GAB4: variants seen among roughly 807,000 people sequenced by gnomAD.
GAB4 encodes GRB2-associated-binding protein 4.
In GAB4, 26 loss-of-function variants were observed where a neutral mutation model predicts 51.3. The ratio of observed to expected loss-of-function variants is 0.51; its 90% CI spans 0.37 to 0.70. The LOEUF (loss-of-function observed/expected upper bound fraction) is 0.70, where lower values mean the gene tolerates loss of function less well. Ranked by LOEUF, GAB4 falls within the 30% of genes least tolerant of loss-of-function variation. GAB4 has a pLI of 0.00. For synonymous variants in GAB4, 329 were observed against 291.2 expected (o/e 1.13, Z -1.32); for missense variants, 759 against 734.6 (o/e 1.03, Z -0.38).
At chr22:16,986,088 C>T (rs2060864794) in intron 3 of GAB4, among the ~76,000 whole-genome samples, 1 of 152,226 alleles carries the variant, frequency 6.6e-6, no homozygotes, top group Non-Finnish European at 1.5e-5. Flanking sequence ...ACTGCTCATG[C>T]AGGCAGACAT....
intron 3 of GAB4, among the ~76,000 whole-genome samples, chr22:16,976,689 A>G (rs939594770): frequency 2.0e-5 from 3 of 152,200 alleles, no homozygotes; most frequent in African/African-American, 4.8e-5. Context: ...ATACTCCTTG[A>G]GAAGAGCAAA....
intron 2 of GAB4, among the ~76,000 whole-genome samples, chr22:16,990,101 C>T (rs573362288): frequency 4.6e-5 from 7 of 152,344 alleles, no homozygotes; most frequent in African/African-American, 1.4e-4. Flanking sequence ...TTCACTCTTT[C>T]TCACCAACCA....
At chr22:16,979,380 C>G (rs1180838129) in intron 3 of GAB4, among the ~76,000 whole-genome samples, 1 of 150,752 alleles carries the variant, frequency 6.6e-6, no homozygotes, top group East Asian at 1.9e-4. Context: ...TTCCTATAAA[C>G]CAGTAATAGC....
intron 1 of GAB4, among the ~76,000 whole-genome samples, chr22:16,997,214 G>A (rs1325209690): frequency 1.3e-5 from 2 of 152,242 alleles, no homozygotes; most frequent in Admixed American, 6.5e-5. Flanking sequence ...TTGAGGAGTC[G>A]CCACACTGTC....
At chr22:16,995,521 C>T (rs2060943759) in intron 1 of GAB4, among the ~76,000 whole-genome samples, 1 of 152,222 alleles carries the variant, frequency 6.6e-6, no homozygotes, top group Non-Finnish European at 1.5e-5. Context: ...GACTAGGAGA[C>T]ATCTCCCAGC....
At chr22:16,980,801 T>C (rs190058468) in intron 3 of GAB4, among the ~76,000 whole-genome samples, 52 of 152,252 alleles carry the variant, frequency 3.4e-4, no homozygotes, top group African/African-American at 1.3e-3. Flanking sequence ...ATGTGGCACA[T>C]ATGCACCGTG....
intron 3 of GAB4, among the ~76,000 whole-genome samples, chr22:16,986,548 A>C (rs183083961): frequency 3.7e-4 from 57 of 152,296 alleles, no homozygotes; most frequent in Non-Finnish European, 6.0e-4. Flanking sequence ...AAGGAAGTTG[A>C]AGGTCAAAGA....
chr22:16,970,032 A>C lies in GAB4; in HGVS notation c.848T>G (p.Phe283Cys). ...GGGGATTCTGTGGGTGCTGCCTCTG[A>C]ATTCTGCATTGTGCTGGCTGGGCTT... ...LSKPSQHNAE[F>C]RGSTHRIPWS... Residue 283 changes from phenylalanine (F) to cysteine (C), a missense_variant, in exon 4 of 10, where the codon TTC becomes TGC. Transcript: ENST00000400588. 1 of 1,614,130 alleles carries C rather than the reference A, an allele frequency of 6.2e-7. No individual in the cohort carries two copies. Among genetic ancestry groups the C allele is most frequent in the East Asian group, 2.2e-5 (1 of 44,874 alleles).
Position 17,008,152 on chromosome 22 carries a change from G to A in GAB4, c.-38C>T, listed in dbSNP as rs1388970372. The A allele has an allele frequency of 6.8e-7, 1 of 1,475,698 alleles. No individual in the cohort carries two copies. Among genetic ancestry groups the A allele is most frequent in the Non-Finnish European group, 9.3e-7 (1 of 1,071,108 alleles). 91.4% of individuals were successfully genotyped at this position (1,475,698 alleles called of 1,614,324 possible). ...TCACAGTGAAGGTGGGGGAGACAGGGCGAGAGGGCGTTGCTGGAGGTGGGG... is the reference window on the plus strand; with the variant it reads ...TCACAGTGAAGGTGGGGGAGACAGGACGAGAGGGCGTTGCTGGAGGTGGGG... On this transcript the variant is annotated 5_prime_UTR_variant, in exon 1 of 10. Transcript: ENST00000400588.
At chr22:16,970,399 C>T (rs556342408) in intron 3 of GAB4, among the ~76,000 whole-genome samples, 1 of 152,282 alleles carries the variant, frequency 6.6e-6, no homozygotes, top group Non-Finnish European at 1.5e-5. Context: ...ATTAGTTTCT[C>T]CATCTGTAAA....
chr22:16,965,810 C>A lies in GAB4; in HGVS notation c.1288+290G>T, dbSNP rs187314060. 2.4e-3 allele frequency among the ~76,000 whole-genome samples: 360 copies of A among 152,342 alleles called. 1 individual carries two copies. Among genetic ancestry groups the A allele is most frequent in the African/African-American group, 8.2e-3 (342 of 41,580 alleles). ...CCAAGGCCACAGGGTGAGGTCATGG[C>A]AGCCTGGAACCTGAGCTCTAGCTCT... is the stretch of plus-strand genomic sequence containing the variant. On this transcript the variant is annotated intron_variant, in intron 6 of 9. Coordinates refer to ENST00000400588, the MANE Select transcript of GAB4 (RefSeq NM_001037814.1).
intron 6 of GAB4, 40 bp downstream of exon 6, chr22:16,966,060 C>T: frequency 6.2e-7 from 1 of 1,600,082 alleles, no homozygotes; most frequent in Non-Finnish European, 8.6e-7. Flanking sequence ...AATGCAGAGT[C>T]CCTGGACATT....
intron 9 of GAB4, among the ~76,000 whole-genome samples, chr22:16,963,117 C>T (rs2060642395): frequency 6.6e-6 from 1 of 152,350 alleles, no homozygotes; most frequent in South Asian, 2.1e-4. Flanking sequence ...GAGCCAGGCC[C>T]TTCTCTGGCC....
At chr22:16,976,210 A>G (rs961775308) in intron 3 of GAB4, among the ~76,000 whole-genome samples, 1 of 152,224 alleles carries the variant, frequency 6.6e-6, no homozygotes, top group Non-Finnish European at 1.5e-5. Context: ...GCAGATGGGT[A>G]ATAACTCCTC....
chr22:16,964,407 C>T (rs759378637), intron 8 of GAB4, among the ~76,000 whole-genome samples: 1 of 152,220 alleles, frequency 6.6e-6, no homozygotes. Flanking sequence ...TGCATCTCCA[C>T]GTCTCTCACA....
chr22:16,981,375 G>A (rs1285871504), intron 3 of GAB4, among the ~76,000 whole-genome samples: 3 of 151,690 alleles, frequency 2.0e-5, no homozygotes, highest in Non-Finnish European at 4.4e-5. Context: ...AAACAAAATT[G>A]ATAATCCTTT....
At chr22:16,964,191 G>C (rs568289229) in intron 8 of GAB4, among the ~76,000 whole-genome samples, 5 of 152,230 alleles carry the variant, frequency 3.3e-5, no homozygotes, top group African/African-American at 9.6e-5. Flanking sequence ...AGACACGCAG[G>C]GTCCCGCAGC....
chr22:16,996,449 T>A (rs1373282728), intron 1 of GAB4, among the ~76,000 whole-genome samples: 1 of 151,704 alleles, frequency 6.6e-6, no homozygotes, highest in African/African-American at 2.4e-5. Flanking sequence ...ATTCAAGAAA[T>A]ACAAAGACCA....
intron 2 of GAB4, among the ~76,000 whole-genome samples, chr22:16,989,667 G>A (rs1257595952): frequency 1.3e-5 from 2 of 152,166 alleles, no homozygotes; most frequent in Non-Finnish European, 2.9e-5. Flanking sequence ...GTCTATGCTA[G>A]GGGGCCAAGC....
Sources: gnomAD v4.1 joint callset for allele counts (sites outside exome capture counted in the v4.1 genomes callset) on GRCh38, gnomAD v4.1.1 for gene constraint, MANE v1.5 for transcripts, NCBI Gene and HGNC (gene_info 2026-07-23, HGNC 2026-07-21) for gene names.